The following SLC16A11 variants were observed in gnomAD, a reference collection of about 807,000 sequenced individuals.
The protein encoded by SLC16A11 is monocarboxylate transporter 11.
Under a neutral mutation model 26.0 loss-of-function variants are expected in SLC16A11, and 24 were observed. The ratio of observed to expected loss-of-function variants is 0.92; its 90% CI spans 0.67 to 1.30. SLC16A11 has a LOEUF of 1.30. SLC16A11 is among the 50% of genes most tolerant of loss of function. The pLI is 0.00. For synonymous variants in SLC16A11, 332 were observed against 296.0 expected, an observed-to-expected ratio of 1.12 and a Z score of -1.25; for missense variants, 638 against 597.7, an observed-to-expected ratio of 1.07 and a Z score of -0.70.
chr17:7,043,804 A>T lies in SLC16A11; in HGVS notation c.-36T>A. ...CCTCTCCGGGCGGTGCGGGGAGGGGAAGGGTGAGGAAGGGCTGGGCCCGGC... is the reference window on the plus strand; with the variant it reads ...CCTCTCCGGGCGGTGCGGGGAGGGGTAGGGTGAGGAAGGGCTGGGCCCGGC... On this transcript the variant is annotated 5_prime_UTR_variant, in exon 1 of 5. Coordinates refer to ENST00000574600, the MANE Select transcript of SLC16A11 (RefSeq NM_001370549.1). The T allele has an allele frequency of 3.9e-6, 2 of 508,606 alleles. No homozygotes were observed. The highest frequency in any genetic ancestry group is 6.6e-6 in the Non-Finnish European group (2 of 302,124). The allele number at this position is 508,606 out of a possible 1,614,324, so 31.5% of individuals were successfully genotyped here.
At position 7,041,809 on chromosome 17, in the gene SLC16A11, G is replaced by T; in HGVS notation, c.1214C>A (p.Ala405Glu). ...GSFIYIGLPR[A>E]LPSCGPASPP... ...GGAGGCTGGACCACAGGAGGGCAGC[G>T]CCCTGGGCAACCCTATGTAGATGAA... The change falls in exon 5 of 5, where the codon GCG (alanine) becomes GAG (glutamate). Residue 405 changes from alanine to glutamate, a missense_variant. Physicochemically the swap from Ala to Glu is moderately radical, Grantham distance 107 (BLOSUM62 -1). Coordinates refer to ENST00000574600, the MANE Select transcript of SLC16A11 (RefSeq NM_001370549.1). 1.2e-6 allele frequency: 2 copies of T among 1,613,826 alleles called. No homozygotes were observed. Among genetic ancestry groups the T allele is most frequent in the South Asian group, 1.1e-5 (1 of 91,078 alleles).
Position 7,043,780 on chromosome 17 carries a change from C to T in SLC16A11, c.-12G>A. 1 of 568,222 alleles carries T rather than the reference C, an allele frequency of 1.8e-6. No individual in the cohort carries two copies. The highest frequency in any genetic ancestry group is 2.0e-5 in the African/African-American group (1 of 51,058). The allele number at this position is 568,222 out of a possible 1,614,324, so 35.2% of individuals were successfully genotyped here. On this transcript the variant is annotated 5_prime_UTR_variant, in exon 1 of 5. Coordinates refer to ENST00000574600, the MANE Select transcript of SLC16A11 (RefSeq NM_001370549.1). ...GCACACTCCTTCCCCCTTACCCGAC[C>T]TCTCCGGGCGGTGCGGGGAGGGGAA...
chr17:7,043,076 G>A lies in SLC16A11; in HGVS notation c.203-3C>T, dbSNP rs915527892. 1 of 1,536,248 alleles carries A rather than the reference G, an allele frequency of 6.5e-7. No homozygotes were observed. Among genetic ancestry groups the A allele is most frequent in the Non-Finnish European group, 8.8e-7 (1 of 1,141,436 alleles). On this transcript the variant is annotated splice_region_variant and splice_polypyrimidine_tract_variant and intron_variant, in intron 2 of 4. Coordinates refer to ENST00000574600, the MANE Select transcript of SLC16A11 (RefSeq NM_001370549.1). ...GCTCAGGGCGCTGCCCACGGGGCCTGAAAGGGGGCGGAGTCAACGGAAGAC... is the reference window on the plus strand; with the variant it reads ...GCTCAGGGCGCTGCCCACGGGGCCTAAAAGGGGGCGGAGTCAACGGAAGAC...
intron 2 of SLC16A11, 66 bp from the exon 3 acceptor site, chr17:7,043,139 A>G (rs1350851255): frequency 1.4e-6 from 2 of 1,464,038 alleles, no homozygotes; most frequent in Non-Finnish European, 9.0e-7. Context: ...AACACTTCTC[A>G]TTGGCTGTTT....
chr17:7,043,424 C>T lies in SLC16A11; in HGVS notation c.90G>A (p.Gly30=), dbSNP rs752692291. The change falls in exon 2 of 5, where the codon GGG becomes GGA. Residue 30 remains glycine (G), a synonymous_variant. Coordinates refer to ENST00000574600, the MANE Select transcript of SLC16A11 (RefSeq NM_001370549.1). ...AAFAINGLSY[G]LLRSLGLAFP... ...AGGCAAGGCCCAGCGAGCGCAGCAG[C>T]CCGTAGGACAGCCCGTTTATCGCGA... The T allele has an allele frequency of 2.5e-6, 4 of 1,603,044 alleles. No individual in the cohort carries two copies. Among genetic ancestry groups the T allele is most frequent in the East Asian group, 2.2e-5 (1 of 44,662 alleles).
In SLC16A11 at chr17:7,043,886, G is replaced by A. The variant is rs1910887061; in HGVS notation, c.-118C>T. 5.4e-6 allele frequency: 2 copies of A among 367,774 alleles called. No homozygotes were observed. The highest frequency in any genetic ancestry group is 4.2e-5 in the African/African-American group (2 of 47,404). The allele number at this position is 367,774 out of a possible 1,614,324, so 22.8% of individuals were successfully genotyped here. A position where few individuals can be genotyped will look rare whatever the true frequency, so the allele number is the denominator to read the frequency against. ...CCGAAGGGGAGCGAGGGCAGCGATG[G>A]AGCCCAACTTGGACGGGCTCTCTCG... On this transcript the variant is annotated 5_prime_UTR_variant, in exon 1 of 5. Transcript: ENST00000574600.
At position 7,043,849 on chromosome 17, in the gene SLC16A11, C is replaced by A. The variant is rs1351691651; in HGVS notation, c.-81G>T. On this transcript the variant is annotated 5_prime_UTR_variant, in exon 1 of 5. Transcript: ENST00000574600. ...CCCGGCTTTCTCTCTGCTTCCCAGG[C>A]GGGCGGGGGCCCCGAAGGGGAGCGA... 2.4e-6 allele frequency: 1 copy of A among 413,510 alleles called. No individual in the cohort carries two copies. The highest frequency in any genetic ancestry group is 6.8e-5 in the South Asian group (1 of 14,626). 25.6% of individuals were successfully genotyped at this position (413,510 alleles called of 1,614,324 possible). A position where few individuals can be genotyped will look rare whatever the true frequency, so the allele number is the denominator to read the frequency against.
In SLC16A11 at chr17:7,043,062, T is replaced by G. The variant is rs775875023; in HGVS notation, c.214A>C (p.Ser72Arg). The change falls in exon 3 of 5, where the codon AGC becomes CGC. Residue 72 changes from serine to arginine, a missense_variant. Transcript: ENST00000574600. ...GCCCCCCAGCGCGTGCTCAGGGCGC[T>G]GCCCACGGGGCCTGAAAGGGGGCGG... Reference protein sequence around the residue: ...AVQQAASPVGSALSTRWGARP... With the variant: ...AVQQAASPVGRALSTRWGARP... 16 of 1,552,176 alleles carry G rather than the reference T, an allele frequency of 1.0e-5. No individual in the cohort carries two copies. In the Admixed American group the frequency reaches 2.0e-4, roughly 19 times the overall value.
Position 7,041,751 on chromosome 17 carries a change from C to T in SLC16A11, c.1272G>A (p.Glu424=). The T allele has an allele frequency of 6.2e-7, 1 of 1,613,374 alleles. No individual in the cohort carries two copies. Among genetic ancestry groups the T allele is most frequent in the Non-Finnish European group, 8.5e-7 (1 of 1,179,910 alleles). ...PPATPPPETG[E]LLPAPQAVLL... ...AGACTGCCTGGGGAGCGGGAAGCAGCTCCCCCGTCTCTGGGGGAGGCGTGG... is the reference window on the plus strand; with the variant it reads ...AGACTGCCTGGGGAGCGGGAAGCAGTTCCCCCGTCTCTGGGGGAGGCGTGG... The change falls in exon 5 of 5, where the codon GAG becomes GAA. Residue 424 remains glutamate (E), a synonymous_variant. Coordinates refer to ENST00000574600, the MANE Select transcript of SLC16A11 (RefSeq NM_001370549.1).
rs1229605985 is a variant in SLC16A11 at position 7,042,827 on chromosome 17, C to T, written c.347-64G>A. 1.9e-6 allele frequency: 3 copies of T among 1,567,330 alleles called. No homozygotes were observed. The African/African-American group carries it at 4.1e-5, about 21-fold the overall frequency. Reference sequence around the variant, plus strand: ...GACGCCCGCCCCAGCATTCCCAGCCCGGCTCTCCGCACCAGGCCCCCGCCT... The same window carrying T: ...GACGCCCGCCCCAGCATTCCCAGCCTGGCTCTCCGCACCAGGCCCCCGCCT... On this transcript the variant is annotated intron_variant, in intron 3 of 4. Transcript: ENST00000574600. The surrounding 1 kb of genome is among the most constrained non-coding windows in gnomAD (Gnocchi z 5.9).
chr17:7,042,846 C>T lies in SLC16A11; in HGVS notation c.347-83G>A. The T allele has an allele frequency of 6.3e-7, 1 of 1,587,754 alleles. No individual in the cohort carries two copies. The highest frequency in any genetic ancestry group is 1.1e-5 in the South Asian group (1 of 88,310). Reference sequence around the variant, plus strand: ...CCAGCCCGGCTCTCCGCACCAGGCCCCCGCCTCGTTCGCTACCCCAGATCC... The same window carrying T: ...CCAGCCCGGCTCTCCGCACCAGGCCTCCGCCTCGTTCGCTACCCCAGATCC... On this transcript the variant is annotated intron_variant, in intron 3 of 4. Transcript: ENST00000574600. The surrounding 1 kb of genome is among the most constrained non-coding windows in gnomAD (Gnocchi z 5.9).
chr17:7,041,716 G>A lies in SLC16A11; in HGVS notation c.1307C>T (p.Pro436Leu), dbSNP rs747286154. 6.2e-7 allele frequency: 1 copy of A among 1,612,580 alleles called. No individual in the cohort carries two copies. The highest frequency in any genetic ancestry group is 1.1e-5 in the South Asian group (1 of 91,026). Residue 436 changes from proline to leucine, a missense_variant, in exon 5 of 5, where the codon CCA (proline) becomes CTA (leucine). Pro to Leu is a moderately conservative substitution (Grantham distance 98, BLOSUM62 -3). Coordinates refer to ENST00000574600, the MANE Select transcript of SLC16A11 (RefSeq NM_001370549.1). The part of the protein sequence containing the change: ...LPAPQAVLLS[P>L]GGPGSTLDTT... ...GTCCAGAGTGGAGCCAGGGCCTCCT[G>A]GGGACAGCAAGACTGCCTGGGGAGC... is the stretch of plus-strand genomic sequence containing the variant.
In SLC16A11 at chr17:7,042,354, T is replaced by A; in HGVS notation, c.756A>T (p.Gly252=). 6.4e-7 allele frequency: 1 copy of A among 1,558,684 alleles called. No individual in the cohort carries two copies. Among genetic ancestry groups the A allele is most frequent in the Admixed American group, 1.9e-5 (1 of 53,342 alleles). The change falls in exon 4 of 5, where the codon GGA becomes GGT. Residue 252 remains glycine, a synonymous_variant. Transcript: ENST00000574600. This position sits in a 1 kb window ranked among gnomAD's most constrained non-coding sequence, Gnocchi z 5.9. ...APHALDRGLG[G]YGAALVVAVA... ...CGGCCACCACCAGCGCTGCTCCGTA[T>A]CCCCCCAGGCCCCGGTCTAAAGCGT...
chr17:7,042,268 C>T lies in SLC16A11; in HGVS notation c.842G>A (p.Trp281Ter), dbSNP rs1910779715. Residue 281 changes from tryptophan to a stop codon, truncating the protein, a stop_gained, in exon 4 of 5, where the codon TGG becomes TAG. Coordinates refer to ENST00000574600, the MANE Select transcript of SLC16A11 (RefSeq NM_001370549.1). LOFTEE classifies it high-confidence loss of function. This position sits in a 1 kb window ranked among gnomAD's most constrained non-coding sequence, Gnocchi z 5.9. ...LVCGWLADQG[W>*]VPLPRLLAVF... ...GGCCAGCAGCCGCGGGAGGGGCACC[C>T]AGCCTTGGTCTGCCAGCCACCCGCA... is the stretch of plus-strand genomic sequence containing the variant. 2 of 1,573,452 alleles carry T rather than the reference C, an allele frequency of 1.3e-6. No individual in the cohort carries two copies. Among genetic ancestry groups the T allele is most frequent in the South Asian group, 1.2e-5 (1 of 86,094 alleles).
Position 7,043,380 on chromosome 17 carries a change from T to C in SLC16A11, c.134A>G (p.His45Arg). 6.2e-7 allele frequency: 1 copy of C among 1,610,386 alleles called. No homozygotes were observed. The highest frequency in any genetic ancestry group is 2.2e-5 in the East Asian group (1 of 44,856). ...LGLAFPDLAEHFDRSAQDTAW... is the reference protein window; with the variant it reads ...LGLAFPDLAERFDRSAQDTAW... ...AGTGTCCTGGGCGCTTCGGTCAAAGTGCTCGGCAAGGTCAGGGAAGGCAAG... is the reference window on the plus strand; with the variant it reads ...AGTGTCCTGGGCGCTTCGGTCAAAGCGCTCGGCAAGGTCAGGGAAGGCAAG... The change falls in exon 2 of 5, where the codon CAC (histidine) becomes CGC (arginine). Residue 45 changes from histidine to arginine, a missense_variant. Transcript: ENST00000574600.
chr17:7,041,665 A>C lies in SLC16A11; in HGVS notation c.*14T>G. ...AAATTCTTTATTGGGGGAGGGGCTC[A>C]AACAAGAAAATAATCAACAAGTGGT... On this transcript the variant is annotated 3_prime_UTR_variant, in exon 5 of 5. Coordinates refer to ENST00000574600, the MANE Select transcript of SLC16A11 (RefSeq NM_001370549.1). The C allele has an allele frequency of 6.4e-7, 1 of 1,568,650 alleles. No individual in the cohort carries two copies. Among genetic ancestry groups the C allele is most frequent in the South Asian group, 1.2e-5 (1 of 86,130 alleles).
In SLC16A11 at chr17:7,042,255, C is replaced by A; in HGVS notation, c.855G>T (p.Pro285=). Reference sequence around the variant, plus strand: ...GAGCCCCGAATACGGCCAGCAGCCGCGGGAGGGGCACCCAGCCTTGGTCTG... The same window carrying A: ...GAGCCCCGAATACGGCCAGCAGCCGAGGGAGGGGCACCCAGCCTTGGTCTG... ...WLADQGWVPL[P]RLLAVFGALT... Residue 285 remains proline (P), a synonymous_variant, in exon 4 of 5, where the codon CCG becomes CCT. Coordinates refer to ENST00000574600, the MANE Select transcript of SLC16A11 (RefSeq NM_001370549.1). This position sits in a 1 kb window ranked among gnomAD's most constrained non-coding sequence, Gnocchi z 5.9. 1 of 1,578,158 alleles carries A rather than the reference C, an allele frequency of 6.3e-7. No individual in the cohort carries two copies. Among genetic ancestry groups the A allele is most frequent in the Non-Finnish European group, 8.6e-7 (1 of 1,162,840 alleles).
chr17:7,042,732 G>T lies in SLC16A11; in HGVS notation c.378C>A (p.Ala126=). The T allele has an allele frequency of 6.5e-7, 1 of 1,542,456 alleles. No homozygotes were observed. The highest frequency in any genetic ancestry group is 1.2e-5 in the South Asian group (1 of 84,560). The change falls in exon 4 of 5, where the codon GCC becomes GCA. Residue 126 remains alanine, a synonymous_variant. Coordinates refer to ENST00000574600, the MANE Select transcript of SLC16A11 (RefSeq NM_001370549.1). This position sits in a 1 kb window ranked among gnomAD's most constrained non-coding sequence, Gnocchi z 5.9. ...AGAAGTAACGCGAGAGGGTGCCTAG[G>T]GCGGGGGCGAACACCAGGGCCCAAC... The part of the protein sequence containing the change: ...GFGWALVFAP[A]LGTLSRYFSR...
At chr17:7,043,174 C>G in intron 2 of SLC16A11, 101 bp from the exon 3 acceptor site, 1 of 1,458,910 alleles carries the variant, frequency 6.9e-7, no homozygotes, top group Non-Finnish European at 9.0e-7. Context: ...AATGGTTCTT[C>G]TCCTTGACCT....
Sources: gnomAD v4.1 joint callset for allele counts on GRCh38, gnomAD v4.1.1 for gene constraint, Gnocchi (gnomAD v3.1) non-coding constraint, MANE v1.5 for transcripts, NCBI Gene and HGNC (gene_info 2026-07-23, HGNC 2026-07-21) for gene names.